Variants in NRG1 observed in about 807,000 individuals in gnomAD.
NRG1 encodes the protein pro-neuregulin-1, membrane-bound isoform.
A neutral mutation model predicts 63.8 loss-of-function variants in NRG1; 18 were observed. The ratio of observed to expected loss-of-function variants is 0.28; its 90% CI spans 0.19 to 0.42. The LOEUF is 0.42. NRG1 is among the 10% of genes least tolerant of loss of function. The probability of loss-of-function intolerance (pLI) is 1.00; values close to 1 mark genes in which losing one functional copy is unlikely to be tolerated. For missense variants in NRG1, 762 were observed against 814.7 expected (o/e 0.94, Z 0.79); for synonymous variants, 302 against 301.3 (o/e 1.00, Z -0.02).
intron 1 of NRG1, among the ~76,000 whole-genome samples, chr8:31,691,880 GC>G (rs1229537710): frequency 6.6e-6 from 1 of 152,060 alleles, no homozygotes; most frequent in African/African-American, 2.4e-5. Flanking sequence ...TTGCTCTGTT[GC>G]CCTGGCTGGG....
chr8:32,117,648 A>C lies in NRG1; in HGVS notation c.38-478180A>C, dbSNP rs569515596. Among the ~76,000 whole-genome samples the C allele has an allele frequency of 3.3e-5, 5 of 152,300 alleles. No homozygotes were observed. In the South Asian group the frequency reaches 1.0e-3, roughly 32 times the overall value. ...TAGTGATTCACAATATTTGTTTTAA[A>C]AACAGTATGAAGAATGTAGAAGCTT... On this transcript the variant is annotated intron_variant, in intron 1 of 10. Coordinates refer to the NRG1 transcript ENST00000519301.
In NRG1 at chr8:31,989,978, T is replaced by C. The variant is rs191647434; in HGVS notation, c.37+350547T>C. ...TCCATACAGTTATTCTATGAGAGCA[T>C]TGCAAATATAGTCAGATTAGGCTTT... On this transcript the variant is annotated intron_variant, in intron 1 of 10. Coordinates refer to the NRG1 transcript ENST00000519301. 5.9e-5 allele frequency among the ~76,000 whole-genome samples: 9 copies of C among 152,258 alleles called. No homozygotes were observed. In the East Asian group the frequency reaches 1.4e-3, roughly 23 times the overall value.
In NRG1 at chr8:32,077,089, A is replaced by G. The variant is rs577115432; in HGVS notation, c.37+437658A>G. Among the ~76,000 whole-genome samples the G allele has an allele frequency of 1.6e-4, 25 of 152,274 alleles. 1 individual carries two copies. The highest frequency in any genetic ancestry group is 2.6e-4 in the Non-Finnish European group (18 of 68,014). On this transcript the variant is annotated intron_variant, in intron 1 of 10. Coordinates refer to the NRG1 transcript ENST00000519301. ...TCTCTTTTAAAAAAAATTGTTGGCTATACATGTTGGCTCACGCCTGTAATC... is the reference window on the plus strand; with the variant it reads ...TCTCTTTTAAAAAAAATTGTTGGCTGTACATGTTGGCTCACGCCTGTAATC...
At chr8:31,910,679 A>G (rs967216981) in intron 1 of NRG1, among the ~76,000 whole-genome samples, 2 of 152,214 alleles carry the variant, frequency 1.3e-5, no homozygotes, top group Admixed American at 1.3e-4. Context: ...GATATTTCAG[A>G]GTTTTGAACA....
intron 1 of NRG1, among the ~76,000 whole-genome samples, chr8:32,419,885 T>C (rs373799561): frequency 2.0e-5 from 3 of 152,242 alleles, no homozygotes; most frequent in African/African-American, 7.2e-5. Context: ...GAAAAATCTG[T>C]GGGGTAATTG....
intron 1 of NRG1, among the ~76,000 whole-genome samples, chr8:32,147,839 G>A (rs567303795): frequency 6.6e-6 from 1 of 152,260 alleles, no homozygotes; most frequent in South Asian, 2.1e-4. Flanking sequence ...TTCCTCTTCT[G>A]TGGTAGAATT....
intron 1 of NRG1, among the ~76,000 whole-genome samples, chr8:32,478,540 C>T (rs35769617): frequency 0.053 from 8,024 of 152,212 alleles, 285 homozygotes; most frequent in Middle Eastern, 0.085. Flanking sequence ...TACTCCCCAA[C>T]GTTTAATAGA....
rs560302477 is a variant in NRG1, at chr8:32,129,747, G to A, written c.38-466081G>A. Among the ~76,000 whole-genome samples the A allele has an allele frequency of 2.0e-5, 3 of 151,892 alleles. No individual in the cohort carries two copies. In the East Asian group the frequency reaches 5.8e-4, roughly 30 times the overall value. On this transcript the variant is annotated intron_variant, in intron 1 of 10. Transcript: ENST00000519301. Reference sequence around the variant, plus strand: ...AAAAAGCTGTGTCGATCTAATCAACGTGCTTGCTTAAATAAGGCATGTGTA... The same window carrying A: ...AAAAAGCTGTGTCGATCTAATCAACATGCTTGCTTAAATAAGGCATGTGTA...
intron 5 of NRG1, among the ~76,000 whole-genome samples, chr8:32,700,104 T>C (rs1814452430): frequency 6.6e-6 from 1 of 152,154 alleles, no homozygotes; most frequent in Non-Finnish European, 1.5e-5. Context: ...TTTCCACCCT[T>C]TCCCCAGCTA....
chr8:32,401,971 C>T (rs995115884), intron 1 of NRG1, among the ~76,000 whole-genome samples: 10 of 152,100 alleles, frequency 6.6e-5, no homozygotes, highest in South Asian at 2.1e-4. Context: ...AGTGCAGTGG[C>T]GCGATCTTGG....
intron 5 of NRG1, among the ~76,000 whole-genome samples, chr8:32,679,534 A>G (rs1211014920): frequency 6.6e-6 from 1 of 152,160 alleles, no homozygotes; most frequent in Non-Finnish European, 1.5e-5. Flanking sequence ...CTAATACGTA[A>G]CAAAGTTGAA....
intron 1 of NRG1, among the ~76,000 whole-genome samples, chr8:31,706,133 G>T (rs1427745382): frequency 6.6e-6 from 1 of 152,120 alleles, no homozygotes; most frequent in Non-Finnish European, 1.5e-5. Context: ...CATAGTAAGA[G>T]ATTTCCTTCC....
At chr8:31,859,971 T>C (rs1828318882) in intron 1 of NRG1, among the ~76,000 whole-genome samples, 1 of 152,212 alleles carries the variant, frequency 6.6e-6, no homozygotes, top group Non-Finnish European at 1.5e-5. Context: ...CAACCCCCTC[T>C]AGCAAAACCA....
chr8:31,864,937 T>G (rs1828815832), intron 1 of NRG1, among the ~76,000 whole-genome samples: 1 of 152,166 alleles, frequency 6.6e-6, no homozygotes, highest in Admixed American at 6.5e-5. Context: ...CTGTTTTTTC[T>G]AACTTTCTCA....
At chr8:31,986,683 A>G (rs1451115041) in intron 1 of NRG1, among the ~76,000 whole-genome samples, 1 of 152,134 alleles carries the variant, frequency 6.6e-6, no homozygotes, top group African/African-American at 2.4e-5. Context: ...GCCAGCTATT[A>G]ATATCATTTG....
intron 1 of NRG1, among the ~76,000 whole-genome samples, chr8:32,575,392 C>T (rs1839428886): frequency 6.6e-6 from 1 of 151,764 alleles, no homozygotes; most frequent in Admixed American, 6.6e-5. Context: ...CTGCTTATTG[C>T]CTAATACTAT....
At chr8:32,589,485 A>G (rs1842159956) in intron 1 of NRG1, among the ~76,000 whole-genome samples, 1 of 152,204 alleles carries the variant, frequency 6.6e-6, no homozygotes, top group Non-Finnish European at 1.5e-5. Context: ...TGCAGGGAAG[A>G]CTTAGCTGGG....
At chr8:32,091,554 AG>A (rs926769784) in intron 1 of NRG1, among the ~76,000 whole-genome samples, 62 of 152,324 alleles carry the variant, frequency 4.1e-4, no homozygotes, top group African/African-American at 1.5e-3. Context: ...ACATGCCCAC[AG>A]GCTGGTATGC....
chr8:31,741,499 C>T (rs758708886), intron 1 of NRG1, among the ~76,000 whole-genome samples: 1 of 151,866 alleles, frequency 6.6e-6, no homozygotes, highest in Admixed American at 6.6e-5. Context: ...GAAACAATAT[C>T]CAGAATACAT....
Sources: allele counts gnomAD v4.1 joint callset (sites outside exome capture counted in the v4.1 genomes callset), GRCh38; gene constraint gnomAD v4.1.1; transcripts MANE v1.5; gene names NCBI Gene and HGNC (gene_info 2026-07-23, HGNC 2026-07-21).